WNK3: variants seen among roughly 807,000 people sequenced by gnomAD.
The protein encoded by WNK3 is WNK lysine deficient protein kinase 3.
Under a neutral mutation model 116.7 loss-of-function variants are expected in WNK3, and 18 were observed. That is an observed-to-expected ratio of 0.15 (90% confidence interval 0.11 to 0.23). The LOEUF (loss-of-function observed/expected upper bound fraction) is 0.23. Ranked by LOEUF, WNK3 falls within the 10% of genes least tolerant of loss-of-function variation. WNK3 has a pLI of 1.00. For synonymous variants in WNK3, 404 were observed against 469.4 expected (o/e 0.86, Z 1.80); for missense variants, 993 against 1,323.8 (o/e 0.75, Z 3.88).
intron 17 of WNK3, 74 bp from the exon 18 acceptor site, chrX:54,239,173 G>T: frequency 4.4e-6 from 3 of 686,958 alleles, no homozygotes; most frequent in Non-Finnish European, 5.9e-6. Context: ...AAAAACCAAA[G>T]TGGTAATAAT....
chrX:54,321,950 C>G (rs1314982574), intron 2 of WNK3, among the ~76,000 whole-genome samples: 2 of 104,438 alleles, frequency 1.9e-5, no homozygotes, highest in Non-Finnish European at 3.9e-5. Context: ...CGCCATCGCA[C>G]TCCAGCCTGA....
intron 10 of WNK3, among the ~76,000 whole-genome samples, chrX:54,260,635 G>T (rs782698859): frequency 8.9e-6 from 1 of 111,790 alleles, no homozygotes; most frequent in South Asian, 3.7e-4. Context: ...ATTTCTAAAG[G>T]TTTCAAAATT....
intron 22 of WNK3, among the ~76,000 whole-genome samples, chrX:54,213,553 C>CAAAAAAAAAAAAAAAAAAAAAAAAAAAA (rs782580375): frequency 7.0e-5 from 1 of 14,265 alleles, no homozygotes; most frequent in Non-Finnish European, 1.1e-4. Flanking sequence ...GACTCCGTCT[C>CAAAAAAAAAAAAAAAAAAAAAAAAAAAA]AAAAAAAAAA....
At chrX:54,265,669 T>G (rs782006708) in intron 10 of WNK3, among the ~76,000 whole-genome samples, 5 of 112,079 alleles carry the variant, frequency 4.5e-5, no homozygotes, top group Non-Finnish European at 9.4e-5. Flanking sequence ...ATTTTAAAAC[T>G]ATCACTGCTT....
chrX:54,193,197 A>C (rs1239282343), exon 24 of WNK3: 1 of 111,628 alleles, frequency 9.0e-6, no homozygotes, highest in Admixed American at 9.6e-5. Flanking sequence ...TTAATTGCAT[A>C]AACTTCCTGA....
At chrX:54,299,644 T>G (rs1386187318) in intron 6 of WNK3, among the ~76,000 whole-genome samples, 1 of 108,906 alleles carries the variant, frequency 9.2e-6, no homozygotes, top group Non-Finnish European at 1.9e-5. Flanking sequence ...CAGGATGGTC[T>G]CAATCTCTTG....
In WNK3 at chrX:54,202,037, T is replaced by C. The variant is rs782152711; in HGVS notation, c.5027A>G (p.Gln1676Arg). 137 of 1,210,225 alleles carry C rather than the reference T, an allele frequency of 1.1e-4. No individual in the cohort carries two copies. The South Asian group carries it at 2.3e-3, about 20-fold the overall frequency. The change falls in exon 23 of 24, where the codon CAA becomes CGA. Residue 1676 changes from glutamine to arginine, a missense_variant. Physicochemically the swap from Gln to Arg is conservative, Grantham distance 43. This residue lies in a region of WNK3 where 836 missense variants were observed against 976.5 expected (regional missense o/e 0.86). Coordinates refer to ENST00000354646, the Ensembl canonical transcript of WNK3. ...TTCTGTCTCTAGTTTGTGTTGACTT[T>C]GTTTAAGTTGGTTTAAACTTGGCTT...
At chrX:54,245,358 G>A (rs1323367215) in intron 17 of WNK3, among the ~76,000 whole-genome samples, 1 of 109,785 alleles carries the variant, frequency 9.1e-6, no homozygotes, top group African/African-American at 3.3e-5. Flanking sequence ...ATGGTAGCAC[G>A]CACTTGTAGT....
chrX:54,282,246 T>A (rs186356585), intron 10 of WNK3, among the ~76,000 whole-genome samples: 124 of 110,088 alleles, frequency 1.1e-3, no homozygotes, highest in African/African-American at 4.0e-3. Flanking sequence ...GGTCTCACTA[T>A]GTTGCCCAGG....
chrX:54,262,289 A>G (rs1008128466), intron 10 of WNK3, among the ~76,000 whole-genome samples: 1 of 111,746 alleles, frequency 8.9e-6, no homozygotes, highest in African/African-American at 3.2e-5. Flanking sequence ...ATGATAGGAC[A>G]ATAAGTATTC....
intron 17 of WNK3, among the ~76,000 whole-genome samples, chrX:54,243,815 GA>G: frequency 8.9e-6 from 1 of 111,840 alleles, no homozygotes; most frequent in East Asian, 2.8e-4. Context: ...GAACTCATAT[GA>G]ATACTTTATA....
intron 7 of WNK3, among the ~76,000 whole-genome samples, chrX:54,295,308 A>C (rs1255987884): frequency 9.0e-6 from 1 of 111,157 alleles, no homozygotes; most frequent in East Asian, 2.8e-4. Context: ...TAAATGCCAG[A>C]GCCTCTAATT....
intron 1 of WNK3, among the ~76,000 whole-genome samples, chrX:54,336,343 C>T (rs781887873): frequency 7.4e-5 from 8 of 108,427 alleles, no homozygotes; most frequent in Non-Finnish European, 1.5e-4. Context: ...CCTCCCCATC[C>T]CCCCAAAAAA....
At chrX:54,268,356 G>A (rs1557158378) in intron 10 of WNK3, among the ~76,000 whole-genome samples, 1 of 111,229 alleles carries the variant, frequency 9.0e-6, no homozygotes. Context: ...GGCCGTGGTG[G>A]CACATGCATA....
intron 10 of WNK3, among the ~76,000 whole-genome samples, chrX:54,274,704 C>G (rs936235412): frequency 1.8e-5 from 2 of 111,686 alleles, no homozygotes; most frequent in East Asian, 5.6e-4. Context: ...TTCTTGTGTA[C>G]AGATAAGTTC....
chrX:54,213,362 G>A (rs987765591), intron 22 of WNK3, among the ~76,000 whole-genome samples: 3 of 108,022 alleles, frequency 2.8e-5, no homozygotes, highest in African/African-American at 3.4e-5. Flanking sequence ...AGACCAGCCC[G>A]GTCAACATGG....
intron 22 of WNK3, among the ~76,000 whole-genome samples, chrX:54,208,067 T>G (rs997731930): frequency 4.5e-5 from 5 of 110,966 alleles, no homozygotes; most frequent in Non-Finnish European, 7.5e-5. Context: ...AAGACAAACA[T>G]TAATATTTAT....
At chrX:54,348,800 T>G (rs1218490860) in intron 1 of WNK3, among the ~76,000 whole-genome samples, 1 of 111,780 alleles carries the variant, frequency 8.9e-6, no homozygotes, top group Non-Finnish European at 1.9e-5. Flanking sequence ...AAGTCAGGAA[T>G]AAGCCAAGAT....
rs1475824062 is a variant in WNK3 at position 54,279,451 on chromosome X, C to G, written c.2037+13437G>C. 2.7e-5 allele frequency among the ~76,000 whole-genome samples: 3 copies of G among 111,290 alleles called. No homozygotes were observed. In the Admixed American group the frequency reaches 2.9e-4, roughly 11 times the overall value. ...TGGTGGTGCATGCCTATGGTCTCAA[C>G]TACCTGGGAGGCTGAGGTGGGAGGA... On this transcript the variant is annotated intron_variant, in intron 10 of 23. Coordinates refer to ENST00000354646, the Ensembl canonical transcript of WNK3.
Sources: allele counts gnomAD v4.1 joint callset (sites outside exome capture counted in the v4.1 genomes callset), GRCh38; gene constraint gnomAD v4.1.1; regional missense constraint gnomAD v4.1.1; transcripts MANE v1.5; gene names NCBI Gene and HGNC (gene_info 2026-07-23, HGNC 2026-07-21).